THSD4: variants seen among roughly 807,000 people sequenced by gnomAD.
THSD4 encodes thrombospondin type 1 domain containing 4, also known as thrombospondin type-1 domain-containing protein 4.
In THSD4, 69 loss-of-function variants were observed where a neutral mutation model predicts 119.0. The observed-to-expected ratio is 0.58, with a 90% confidence interval of 0.48 to 0.71. The LOEUF (loss-of-function observed/expected upper bound fraction) is 0.71, where lower values mean the gene tolerates loss of function less well. THSD4 is among the 30% of genes least tolerant of loss of function. THSD4 has a pLI of 0.00. For missense variants in THSD4, 1,393 were observed against 1,391.1 expected (o/e 1.00, Z -0.02); for synonymous variants, 524 against 540.4 (o/e 0.97, Z 0.42).
chr15:71,661,149 G>T (rs568526255), intron 8 of THSD4, among the ~76,000 whole-genome samples: 10 of 152,122 alleles, frequency 6.6e-5, no homozygotes, highest in African/African-American at 2.4e-4. Context: ...GGTCTAAAGC[G>T]AAGCCATTTT....
chr15:71,168,959 C>T (rs2043323688), intron 3 of THSD4, among the ~76,000 whole-genome samples: 1 of 152,156 alleles, frequency 6.6e-6, no homozygotes, highest in Non-Finnish European at 1.5e-5. Context: ...AATTGTACTA[C>T]ATTCGAGTCG....
At chr15:71,767,135 C>T (rs2053729350) in intron 16 of THSD4, 1 of 152,054 alleles carries the variant, frequency 6.6e-6, no homozygotes, top group South Asian at 2.1e-4. Flanking sequence ...TTTTTAGATG[C>T]AAATTTAGAA....
At chr15:71,268,216 C>A (rs889638024) in intron 6 of THSD4, among the ~76,000 whole-genome samples, 1 of 152,156 alleles carries the variant, frequency 6.6e-6, no homozygotes, top group Non-Finnish European at 1.5e-5. Flanking sequence ...GGAAGTAAGG[C>A]ACTCCTCAGC....
chr15:71,476,013 G>T (rs2047650111), intron 7 of THSD4, among the ~76,000 whole-genome samples: 1 of 152,128 alleles, frequency 6.6e-6, no homozygotes, highest in African/African-American at 2.4e-5. Flanking sequence ...TTCACTAACT[G>T]TGTCTTTAGG....
At position 71,724,673 on chromosome 15, in the gene THSD4, G is replaced by C. The variant is rs189944766; in HGVS notation, c.1358-3876G>C. Among the ~76,000 whole-genome samples, 1,180 of 152,268 alleles carry C rather than the reference G, an allele frequency of 7.7e-3. 56 individuals carry two copies. Among genetic ancestry groups the C allele is most frequent in the Admixed American group, 0.062 (940 of 15,270 alleles). Reference sequence around the variant, plus strand: ...ACATTCTGAAAATACTGTTCTAGCTGAACAGAAGAGAAACAGGAAGATCAA... The same window carrying C: ...ACATTCTGAAAATACTGTTCTAGCTCAACAGAAGAGAAACAGGAAGATCAA... On this transcript the variant is annotated intron_variant, in intron 8 of 17. Transcript: ENST00000261862.
chr15:71,471,309 A>G (rs1349236390), intron 7 of THSD4, among the ~76,000 whole-genome samples: 2 of 152,114 alleles, frequency 1.3e-5, no homozygotes, highest in Non-Finnish European at 2.9e-5. Context: ...AATCAGACTC[A>G]TGGAGGGGAG....
rs1224647498 is a variant in THSD4, at chr15:71,420,405, C to CT, written c.1152+8592dup. Among the ~76,000 whole-genome samples the CT allele has an allele frequency of 3.8e-4, 37 of 96,834 alleles. 9 individuals carry two copies. Among genetic ancestry groups the CT allele is most frequent in the Non-Finnish European group, 4.9e-4 (22 of 44,580 alleles). The allele number at this position is 96,834 out of a possible 152,430, so 63.5% of individuals were successfully genotyped here. On this transcript the variant is annotated intron_variant, in intron 7 of 17. Coordinates refer to ENST00000261862, the MANE Select transcript of THSD4 (RefSeq NM_024817.3). ...TCTTGTAGGAAACAGATGTATGGGT[C>CT]TTTTTTTTTTAATCCATTCAGCCAC... is the stretch of plus-strand genomic sequence containing the variant.
intron 3 of THSD4, among the ~76,000 whole-genome samples, chr15:71,159,985 T>A (rs912186952): frequency 3.9e-5 from 6 of 152,164 alleles, no homozygotes; most frequent in Admixed American, 1.3e-4. Flanking sequence ...TGTGTTATGG[T>A]ACATACCTTC....
intron 7 of THSD4, among the ~76,000 whole-genome samples, chr15:71,597,713 A>C (rs1381322861): frequency 6.6e-6 from 1 of 152,094 alleles, no homozygotes; most frequent in Non-Finnish European, 1.5e-5. Context: ...ACACTGACGA[A>C]TTTTTAACAA....
intron 7 of THSD4, among the ~76,000 whole-genome samples, chr15:71,652,030 C>A (rs572781798): frequency 1.3e-5 from 2 of 152,200 alleles, no homozygotes; most frequent in Admixed American, 6.5e-5. Context: ...AGGCCATCTG[C>A]GCTCAGGAGG....
At position 71,779,694 on chromosome 15, in the gene THSD4, T is replaced by C. The variant is rs749078963; in HGVS notation, c.*2320T>C. The C allele has an allele frequency of 2.0e-5, 3 of 152,162 alleles. No individual in the cohort carries two copies. The highest frequency in any genetic ancestry group is 4.4e-5 in the Non-Finnish European group (3 of 68,026). The allele number at this position is 152,162 out of a possible 1,614,324, so 9.4% of individuals were successfully genotyped here. A position where few individuals can be genotyped will look rare whatever the true frequency, so the allele number is the denominator to read the frequency against. ...TGGCTTTGTCTCTTTATGTCTAAAG[T>C]GCCCTATGGCTGCTGAAGGTTACCT... On this transcript the variant is annotated 3_prime_UTR_variant, in exon 18 of 18. Coordinates refer to ENST00000261862, the MANE Select transcript of THSD4 (RefSeq NM_024817.3).
chr15:71,486,626 T>A (rs901602469), intron 7 of THSD4, among the ~76,000 whole-genome samples: 2 of 147,028 alleles, frequency 1.4e-5, no homozygotes, highest in Non-Finnish European at 3.0e-5. Flanking sequence ...TTTTTTTTTT[T>A]TTTTTTTTTT....
chr15:71,238,645 A>G (rs111472936), intron 4 of THSD4, among the ~76,000 whole-genome samples: 2,041 of 152,364 alleles, frequency 0.013, 12 homozygotes, highest in Middle Eastern at 0.02. Flanking sequence ...TGGCTGAATA[A>G]TAATCCACTC....
At chr15:71,740,001 G>A (rs999025134) in intron 11 of THSD4, among the ~76,000 whole-genome samples, 16 of 151,996 alleles carry the variant, frequency 1.1e-4, no homozygotes, top group African/African-American at 3.9e-4. Context: ...ATAGAATTTA[G>A]GTCTTTGGTT....
intron 8 of THSD4, among the ~76,000 whole-genome samples, chr15:71,724,535 T>C (rs1282681345): frequency 6.6e-6 from 1 of 150,870 alleles, no homozygotes; most frequent in East Asian, 2.0e-4. Flanking sequence ...TCCGCCAGCC[T>C]CAGCCTCCCA....
At chr15:71,437,584 G>A (rs950143347) in intron 7 of THSD4, among the ~76,000 whole-genome samples, 4 of 152,178 alleles carry the variant, frequency 2.6e-5, no homozygotes, top group African/African-American at 9.7e-5. Flanking sequence ...GTAGGGTAAG[G>A]TCAGAGAGAC....
At chr15:71,244,768 A>G (rs2044184934) in intron 5 of THSD4, among the ~76,000 whole-genome samples, 1 of 152,244 alleles carries the variant, frequency 6.6e-6, no homozygotes, top group Non-Finnish European at 1.5e-5. Context: ...ATGGTCAGAC[A>G]TGCCCTTGTT....
At chr15:71,483,740 C>G (rs904917085) in intron 7 of THSD4, among the ~76,000 whole-genome samples, 1 of 151,770 alleles carries the variant, frequency 6.6e-6, no homozygotes, top group Non-Finnish European at 1.5e-5. Flanking sequence ...TCCTGATGCT[C>G]TCCCCGACCC....
At chr15:71,572,071 G>A (rs2049368493) in intron 7 of THSD4, among the ~76,000 whole-genome samples, 1 of 152,258 alleles carries the variant, frequency 6.6e-6, no homozygotes, top group African/African-American at 2.4e-5. Flanking sequence ...AAGAGAGAGA[G>A]AAACAGGGAT....
Sources: allele counts gnomAD v4.1 joint callset (sites outside exome capture counted in the v4.1 genomes callset), GRCh38; gene constraint gnomAD v4.1.1; transcripts MANE v1.5; gene names NCBI Gene and HGNC (gene_info 2026-07-23, HGNC 2026-07-21).